KHDRBS2: variants seen among roughly 807,000 people sequenced by gnomAD.
KHDRBS2 encodes KH domain-containing, RNA-binding, signal transduction-associated protein 2.
In KHDRBS2, 26 loss-of-function variants were observed where a neutral mutation model predicts 44.3. The ratio of observed to expected loss-of-function variants is 0.59; its 90% CI spans 0.43 to 0.81. The LOEUF is 0.81. Ranked by LOEUF, KHDRBS2 falls within the 40% of genes least tolerant of loss-of-function variation. The pLI is 0.00. For missense variants in KHDRBS2, 476 were observed against 433.1 expected, an observed-to-expected ratio of 1.10 and a Z score of -0.88; for synonymous variants, 194 against 151.1, an observed-to-expected ratio of 1.28 and a Z score of -2.08.
chr6:61,630,492 A>G, the KHDRBS2 span: 1 of 152,192 alleles, frequency 6.6e-6, no homozygotes, highest in Non-Finnish European at 1.5e-5. Flanking sequence ...TTGTATTTGG[A>G]GGAAAGTATC....
At chr6:62,179,154 A>G (rs1261030199) in intron 1 of KHDRBS2, among the ~76,000 whole-genome samples, 1 of 151,550 alleles carries the variant, frequency 6.6e-6, no homozygotes, top group East Asian at 1.9e-4. Flanking sequence ...AATTTAAAAG[A>G]ATTATTTTGG....
chr6:61,587,098 T>TC, the KHDRBS2 span, among the ~76,000 whole-genome samples: 1 of 152,048 alleles, frequency 6.6e-6, no homozygotes, highest in Non-Finnish European at 1.5e-5. Context: ...CACTGCCTAC[T>TC]CCCCCACCAA....
At chr6:62,073,411 T>G (rs1221208903) in intron 2 of KHDRBS2, among the ~76,000 whole-genome samples, 2 of 151,636 alleles carry the variant, frequency 1.3e-5, no homozygotes, top group Non-Finnish European at 2.9e-5. Context: ...AATGTCCCAG[T>G]TTCATTTTTT....
intron 8 of KHDRBS2, among the ~76,000 whole-genome samples, chr6:61,687,767 T>TTC (rs1387761888): frequency 6.6e-6 from 1 of 151,994 alleles, no homozygotes; most frequent in East Asian, 1.9e-4. Context: ...TACTGCTATA[T>TTC]TCTAATTGTG....
intron 3 of KHDRBS2, among the ~76,000 whole-genome samples, chr6:61,996,861 G>C (rs563503407): frequency 1.5e-5 from 2 of 134,804 alleles, no homozygotes; most frequent in South Asian, 2.3e-4. Context: ...TCGGCTCACT[G>C]CAACCTCTGC....
intron 1 of KHDRBS2, among the ~76,000 whole-genome samples, chr6:62,196,327 A>G (rs1317738851): frequency 6.6e-6 from 1 of 152,148 alleles, no homozygotes; most frequent in Admixed American, 6.6e-5. Flanking sequence ...TATTGACTTT[A>G]CATTCATTAC....
At chr6:61,562,177 A>G in the KHDRBS2 span, among the ~76,000 whole-genome samples, 1 of 152,280 alleles carries the variant, frequency 6.6e-6, no homozygotes, top group Non-Finnish European at 1.5e-5. Context: ...CTTTTCTCAA[A>G]TCATCTAGGA....
At chr6:61,755,648 A>G (rs1778375114) in intron 6 of KHDRBS2, among the ~76,000 whole-genome samples, 1 of 151,908 alleles carries the variant, frequency 6.6e-6, no homozygotes, top group African/African-American at 2.4e-5. Context: ...CATCTCTACT[A>G]AAGATACAAA....
chr6:61,557,114 G>T, the KHDRBS2 span, among the ~76,000 whole-genome samples: 2 of 151,950 alleles, frequency 1.3e-5, no homozygotes, highest in African/African-American at 4.8e-5. Flanking sequence ...ATAGTCTTGG[G>T]ACCCCAGAGA....
At chr6:61,616,264 T>C in the KHDRBS2 span, among the ~76,000 whole-genome samples, 7 of 152,108 alleles carry the variant, frequency 4.6e-5, no homozygotes, top group Non-Finnish European at 7.4e-5. Flanking sequence ...TAGCCTCCCC[T>C]ATCTGAAGGC....
intron 3 of KHDRBS2, among the ~76,000 whole-genome samples, chr6:62,004,155 G>A (rs1297008219): frequency 6.6e-6 from 1 of 152,086 alleles, no homozygotes; most frequent in Non-Finnish European, 1.5e-5. Flanking sequence ...ATTAAGATTA[G>A]AGCAGAACTG....
chr6:62,150,283 TCATG>T (rs1814855683), intron 2 of KHDRBS2, among the ~76,000 whole-genome samples: 1 of 146,368 alleles, frequency 6.8e-6, no homozygotes, highest in Admixed American at 7.0e-5. Flanking sequence ...GATGCAGGGA[TCATG>T]CTTAAGAGAT....
chr6:62,113,933 GACTC>G (rs1379966286), intron 2 of KHDRBS2, among the ~76,000 whole-genome samples: 1 of 152,092 alleles, frequency 6.6e-6, no homozygotes, highest in Non-Finnish European at 1.5e-5. Flanking sequence ...AGTTTTAACT[GACTC>G]ACAGTTCCGC....
the KHDRBS2 span, among the ~76,000 whole-genome samples, chr6:61,553,080 T>C: frequency 0.048 from 7,339 of 152,236 alleles, 342 homozygotes; most frequent in East Asian, 0.22. Flanking sequence ...GGAATAATAC[T>C]TGCTCTTCTT....
At chr6:62,096,635 T>C (rs1234257153) in intron 2 of KHDRBS2, among the ~76,000 whole-genome samples, 2 of 151,868 alleles carry the variant, frequency 1.3e-5, no homozygotes, top group Admixed American at 1.3e-4. Flanking sequence ...TAAAGGTTAG[T>C]CAATTTTGTT....
chr6:61,950,881 CACT>C (rs1242818067), intron 4 of KHDRBS2, among the ~76,000 whole-genome samples: 1 of 151,970 alleles, frequency 6.6e-6, no homozygotes, highest in Non-Finnish European at 1.5e-5. Context: ...ATGAGAATCT[CACT>C]ACTAGTATTT....
intron 3 of KHDRBS2, among the ~76,000 whole-genome samples, chr6:62,039,255 A>ACACACAC (rs1554342051): frequency 6.9e-6 from 1 of 145,798 alleles, no homozygotes. Context: ...TACACAGGCA[A>ACACACAC]ACACACACAC....
chr6:61,663,500 CATATATATATATATAT>C, the KHDRBS2 span, among the ~76,000 whole-genome samples: 11 of 35,994 alleles, frequency 3.1e-4, 1 homozygote, highest in South Asian at 2.4e-3. Context: ...CATGAGACAC[CATATATATATATATAT>C]ATATATATAT....
At chr6:61,696,255 T>TTATG (rs1767892107) in intron 8 of KHDRBS2, among the ~76,000 whole-genome samples, 1 of 151,284 alleles carries the variant, frequency 6.6e-6, no homozygotes, top group South Asian at 2.1e-4. Flanking sequence ...ATTTATTTAT[T>TTATG]TATTTATTTA....
Sources: gnomAD v4.1 joint callset for allele counts (sites outside exome capture counted in the v4.1 genomes callset) on GRCh38, gnomAD v4.1.1 for gene constraint, MANE v1.5 for transcripts, NCBI Gene and HGNC (gene_info 2026-07-23, HGNC 2026-07-21) for gene names.